Variants in STK3 observed in about 807,000 individuals in gnomAD.
STK3 encodes the protein serine/threonine kinase 3.
STK3 carries 41 observed loss-of-function variants against 58.0 expected under a neutral mutation model. The observed-to-expected ratio is 0.71, with a 90% CI of 0.55 to 0.92. The LOEUF (loss-of-function observed/expected upper bound fraction) is 0.92, where lower values mean the gene tolerates loss of function less well. Ranked by LOEUF, STK3 falls within the 40% of genes least tolerant of loss-of-function variation. The pLI is 0.00. For missense variants in STK3, 479 were observed against 602.7 expected, an observed-to-expected ratio of 0.79 and a Z score of 2.15; for synonymous variants, 170 against 191.0, an observed-to-expected ratio of 0.89 and a Z score of 0.91.
intron 2 of STK3, among the ~76,000 whole-genome samples, chr8:98,774,366 C>T (rs1456513281): frequency 6.6e-6 from 1 of 152,108 alleles, no homozygotes; most frequent in Non-Finnish European, 1.5e-5. Flanking sequence ...GACTACTTAC[C>T]TTTTCCAAAA....
intron 6 of STK3, among the ~76,000 whole-genome samples, chr8:98,599,129 A>G (rs1294296258): frequency 2.0e-5 from 3 of 152,262 alleles, no homozygotes; most frequent in Admixed American, 2.0e-4. Context: ...GCTATTATTT[A>G]AGAACCTCAG....
At chr8:98,508,001 C>A (rs1437233497) in intron 10 of STK3, among the ~76,000 whole-genome samples, 1 of 152,138 alleles carries the variant, frequency 6.6e-6, no homozygotes. Context: ...TTTTAGCAAA[C>A]TGTATACTTT....
chr8:98,731,032 A>G (rs1380634168), intron 4 of STK3, among the ~76,000 whole-genome samples: 1 of 152,250 alleles, frequency 6.6e-6, no homozygotes, highest in East Asian at 1.9e-4. Flanking sequence ...AGCCTAGAGT[A>G]CATACATATT....
chr8:98,515,907 G>C (rs1339141962), intron 10 of STK3, among the ~76,000 whole-genome samples: 3 of 151,852 alleles, frequency 2.0e-5, no homozygotes, highest in Non-Finnish European at 2.9e-5. Context: ...TTCTGTAAAG[G>C]ATCTCCTGCA....
chr8:98,650,542 C>G (rs917553950), intron 6 of STK3, among the ~76,000 whole-genome samples: 4 of 152,210 alleles, frequency 2.6e-5, no homozygotes, highest in African/African-American at 9.7e-5. Context: ...AGAGGTATTG[C>G]CTCACTCGGG....
chr8:98,524,001 C>A (rs1420035389), intron 10 of STK3, among the ~76,000 whole-genome samples: 8 of 152,168 alleles, frequency 5.3e-5, no homozygotes, highest in African/African-American at 1.9e-4. Flanking sequence ...ACTGTAAGAT[C>A]TTTGGCCCAT....
intron 6 of STK3, 137 bp from the exon 7 acceptor site, chr8:98,596,306 C>G (rs2129981424): frequency 1.9e-6 from 2 of 1,038,496 alleles, no homozygotes; most frequent in East Asian, 5.3e-5. Context: ...TCTAGTAACA[C>G]TGAAATTCAG....
At chr8:98,895,531 G>A (rs529867404) in intron 1 of STK3, among the ~76,000 whole-genome samples, 74 of 152,274 alleles carry the variant, frequency 4.9e-4, no homozygotes, top group African/African-American at 1.8e-3. Context: ...GTGAGAATGG[G>A]AATGGGAAGT....
At chr8:98,798,250 C>T (rs1037086643) in intron 1 of STK3, among the ~76,000 whole-genome samples, 1 of 152,102 alleles carries the variant, frequency 6.6e-6, no homozygotes, top group African/African-American at 2.4e-5. Context: ...TCAAAGATCC[C>T]CCAAATGAAT....
chr8:98,919,978 C>T (rs867016086), intron 1 of STK3, among the ~76,000 whole-genome samples: 1 of 152,092 alleles, frequency 6.6e-6, no homozygotes, highest in Non-Finnish European at 1.5e-5. Context: ...TATGCTTTTG[C>T]CTTATGAATC....
At chr8:98,554,423 T>C (rs1373307426) in intron 8 of STK3, among the ~76,000 whole-genome samples, 1 of 152,156 alleles carries the variant, frequency 6.6e-6, no homozygotes. Context: ...TGGTATAAAA[T>C]AGTCCTTAGC....
intron 6 of STK3, among the ~76,000 whole-genome samples, chr8:98,643,989 T>C (rs780471400): frequency 9.9e-5 from 15 of 152,112 alleles, no homozygotes; most frequent in African/African-American, 3.1e-4. Flanking sequence ...CACTCCAGCA[T>C]AGGCAACAGA....
At chr8:98,380,166 A>G (rs763277998) in intron 1 of STK3, among the ~76,000 whole-genome samples, 6 of 152,182 alleles carry the variant, frequency 3.9e-5, no homozygotes, top group African/African-American at 9.7e-5. Context: ...GCAGATGTGG[A>G]GTTACTAATT....
chr8:98,684,208 T>C (rs1187775203), intron 6 of STK3, among the ~76,000 whole-genome samples: 2 of 152,216 alleles, frequency 1.3e-5, no homozygotes, highest in African/African-American at 4.8e-5. Flanking sequence ...ATTATTTTCA[T>C]ATTGCTTCCA....
chr8:98,353,390 C>T, the STK3 span, among the ~76,000 whole-genome samples: 1 of 152,132 alleles, frequency 6.6e-6, no homozygotes, highest in Non-Finnish European at 1.5e-5. Flanking sequence ...ACTTGGGAGG[C>T]TGAGGCGGGA....
intron 7 of STK3, among the ~76,000 whole-genome samples, chr8:98,580,373 C>G (rs974834952): frequency 1.3e-5 from 2 of 152,136 alleles, no homozygotes; most frequent in African/African-American, 4.8e-5. Context: ...TCACCCTGAT[C>G]TAGCTAAAAT....
At chr8:98,346,498 T>G in the STK3 span, among the ~76,000 whole-genome samples, 5 of 150,676 alleles carry the variant, frequency 3.3e-5, no homozygotes, top group Non-Finnish European at 7.4e-5. Flanking sequence ...AAAAGAAACA[T>G]GAAGAAAAGC....
intron 8 of STK3, among the ~76,000 whole-genome samples, chr8:98,572,758 C>A (rs1362649661): frequency 6.6e-6 from 1 of 151,974 alleles, no homozygotes; most frequent in Non-Finnish European, 1.5e-5. Context: ...GATAAAATAA[C>A]CTCAAAATGG....
chr8:98,783,443 A>T (rs752784075), intron 1 of STK3, among the ~76,000 whole-genome samples: 10 of 152,240 alleles, frequency 6.6e-5, no homozygotes, highest in Non-Finnish European at 1.3e-4. Flanking sequence ...AAAAGATTTT[A>T]AACACTTTAT....
Sources: allele counts gnomAD v4.1 joint callset (sites outside exome capture counted in the v4.1 genomes callset), GRCh38; gene constraint gnomAD v4.1.1; transcripts MANE v1.5; gene names NCBI Gene and HGNC (gene_info 2026-07-23, HGNC 2026-07-21).